The following LIMCH1 variants were observed in gnomAD, a reference collection of about 807,000 sequenced individuals.
The protein encoded by LIMCH1 is LIM and calponin homology domains-containing protein 1.
A neutral mutation model predicts 176.5 loss-of-function variants in LIMCH1; 113 were observed. That is an observed-to-expected ratio of 0.64 (90% CI 0.55 to 0.75). The LOEUF is 0.75. Ranked by LOEUF, LIMCH1 falls within the 30% of genes least tolerant of loss-of-function variation. The probability of loss-of-function intolerance (pLI) is 0.00; values close to 1 mark genes in which losing one functional copy is unlikely to be tolerated. For missense variants in LIMCH1, 1,674 were observed against 1,814.9 expected, an observed-to-expected ratio of 0.92 and a Z score of 1.41; for synonymous variants, 619 against 645.9, an observed-to-expected ratio of 0.96 and a Z score of 0.63.
Position 41,538,304 on chromosome 4 carries a change from A to G in LIMCH1, c.-287A>G, listed in dbSNP as rs2078179169. The G allele has an allele frequency of 1.0e-6, 1 of 985,422 alleles. No homozygotes were observed. Among genetic ancestry groups the G allele is most frequent in the Non-Finnish European group, 1.2e-6 (1 of 829,938 alleles). The allele number at this position is 985,422 out of a possible 1,614,324, so 61.0% of individuals were successfully genotyped here. Reference sequence around the variant, plus strand: ...AGGAGAGATGCCCCTCCCATCTCCCAGAGTGGGTTGGCTGGAGTTCATTGC... The same window carrying G: ...AGGAGAGATGCCCCTCCCATCTCCCGGAGTGGGTTGGCTGGAGTTCATTGC... On this transcript the variant is annotated 5_prime_UTR_variant, in exon 1 of 32. Coordinates refer to ENST00000503057, the MANE Select transcript of LIMCH1 (RefSeq NM_001330672.2).
intron 1 of LIMCH1, among the ~76,000 whole-genome samples, chr4:41,450,818 A>AG (rs2063792052): frequency 1.3e-5 from 2 of 150,986 alleles, no homozygotes; most frequent in Non-Finnish European, 3.0e-5. Flanking sequence ...AAAAAAAAAA[A>AG]AAAAAGTTGT....
At chr4:41,367,537 A>G (rs934984688) in intron 1 of LIMCH1, among the ~76,000 whole-genome samples, 6 of 152,034 alleles carry the variant, frequency 3.9e-5, no homozygotes, top group Non-Finnish European at 8.8e-5. Flanking sequence ...ATACACCTGC[A>G]CTTGCTTTTA....
In LIMCH1 at chr4:41,697,595, C is replaced by G. The variant is rs1042382164; in HGVS notation, c.*410C>G. ...TTACAGAATTGAGCTGCAGAAAGTGCAAGACATGCCAATTTGAGACACACG... is the reference window on the plus strand; with the variant it reads ...TTACAGAATTGAGCTGCAGAAAGTGGAAGACATGCCAATTTGAGACACACG... On this transcript the variant is annotated 3_prime_UTR_variant, in exon 32 of 32. Coordinates refer to ENST00000503057, the MANE Select transcript of LIMCH1 (RefSeq NM_001330672.2). 2 of 170,826 alleles carry G rather than the reference C, an allele frequency of 1.2e-5. No homozygotes were observed. Among genetic ancestry groups the G allele is most frequent in the African/African-American group, 4.7e-5 (2 of 42,162 alleles). 10.6% of individuals were successfully genotyped at this position (170,826 alleles called of 1,614,324 possible). A position where few individuals can be genotyped will look rare whatever the true frequency, so the allele number is the denominator to read the frequency against.
chr4:41,477,510 T>C (rs2067929043), intron 1 of LIMCH1, among the ~76,000 whole-genome samples: 1 of 152,174 alleles, frequency 6.6e-6, no homozygotes, highest in Non-Finnish European at 1.5e-5. Flanking sequence ...GCTGTTATTA[T>C]CATCATCATT....
chr4:41,682,369 CAA>C lies in LIMCH1; in HGVS notation c.3755_3756del (p.Gln1252ArgfsTer12). On this transcript the variant is annotated frameshift_variant, in exon 26 of 32. Transcript: ENST00000503057. LOFTEE classifies it high-confidence loss of function. ...CCTGGGAAACTGTCAAGATGAAAAA[CAA>C]GACAGAAGATGGAAGAAATCATTCC... ...IDLGNCQDEK[Q>X]DRRWKKSFQG... 2 of 1,612,402 alleles carry C rather than the reference CAA, an allele frequency of 1.2e-6. No individual in the cohort carries two copies. The highest frequency in any genetic ancestry group is 1.7e-6 in the Non-Finnish European group (2 of 1,178,752).
intron 1 of LIMCH1, among the ~76,000 whole-genome samples, chr4:41,574,710 A>G (rs1269455594): frequency 6.6e-6 from 1 of 152,154 alleles, no homozygotes; most frequent in Non-Finnish European, 1.5e-5. Context: ...TAAGACTTCA[A>G]ATGTGGCTCG....
chr4:41,633,902 C>A lies in LIMCH1; in HGVS notation c.2090+94C>A, dbSNP rs2093452181. 1.0e-5 allele frequency: 13 copies of A among 1,301,080 alleles called. No individual in the cohort carries two copies. In the South Asian group the frequency reaches 1.9e-4, roughly 19 times the overall value. The allele number at this position is 1,301,080 out of a possible 1,614,324, so 80.6% of individuals were successfully genotyped here. Reference sequence around the variant, plus strand: ...CATTATGGCACCTCAGTGCCGCTTACCTGCTGTTGCTAGCAGAAACAGAAT... The same window carrying A: ...CATTATGGCACCTCAGTGCCGCTTAACTGCTGTTGCTAGCAGAAACAGAAT... On this transcript the variant is annotated intron_variant, in intron 13 of 31. Coordinates refer to ENST00000503057, the MANE Select transcript of LIMCH1 (RefSeq NM_001330672.2).
chr4:41,636,469 T>G (rs981485330), intron 13 of LIMCH1, among the ~76,000 whole-genome samples: 2 of 151,946 alleles, frequency 1.3e-5, no homozygotes, highest in Non-Finnish European at 2.9e-5. Context: ...CTGCTTAAGT[T>G]GGTGCCCTTT....
intron 1 of LIMCH1, among the ~76,000 whole-genome samples, chr4:41,488,524 ATTGT>A (rs1490218519): frequency 6.6e-6 from 1 of 152,216 alleles, no homozygotes; most frequent in Non-Finnish European, 1.5e-5. Context: ...TAACAAAATA[ATTGT>A]TTGTAACATT....
chr4:41,689,021 T>C (rs528394319), intron 29 of LIMCH1: 1 of 153,692 alleles, frequency 6.5e-6, no homozygotes, highest in South Asian at 2.0e-4. Context: ...ATCTCACCTC[T>C]CCGGGCCCTC....
intron 2 of LIMCH1, chr4:41,524,401 C>A: frequency 6.2e-7 from 1 of 1,612,824 alleles, no homozygotes; most frequent in South Asian, 1.1e-5. Flanking sequence ...CTGCCTTTTT[C>A]ATGACAGGTT....
intron 1 of LIMCH1, among the ~76,000 whole-genome samples, chr4:41,584,638 A>G (rs923448139): frequency 2.0e-5 from 3 of 152,174 alleles, no homozygotes; most frequent in South Asian, 2.1e-4. Flanking sequence ...CTCCTGGGAC[A>G]TATCTCTAGG....
intron 1 of LIMCH1, among the ~76,000 whole-genome samples, chr4:41,469,697 T>TATTC (rs763786501): frequency 2.0e-5 from 3 of 152,056 alleles, no homozygotes; most frequent in African/African-American, 4.8e-5. Flanking sequence ...TTTATTTATT[T>TATTC]TTGAGATGGA....
intron 2 of LIMCH1, among the ~76,000 whole-genome samples, chr4:41,504,136 A>G (rs1033254903): frequency 6.6e-6 from 1 of 152,160 alleles, no homozygotes; most frequent in Non-Finnish European, 1.5e-5. Context: ...GTTTCTCCTC[A>G]CAACCATTTG....
intron 26 of LIMCH1, 143 bp downstream of exon 26, chr4:41,682,603 C>A: frequency 1.2e-5 from 8 of 660,992 alleles, no homozygotes; most frequent in Admixed American, 3.7e-5. Context: ...ATTGTTTGGA[C>A]ATATTTTGTA....
chr4:41,365,574 A>G (rs903172649), intron 1 of LIMCH1, among the ~76,000 whole-genome samples: 2 of 152,236 alleles, frequency 1.3e-5, no homozygotes, highest in Non-Finnish European at 2.9e-5. Context: ...TTTTATCCCA[A>G]CAGGTAGTTA....
chr4:41,450,080 C>T (rs1246212039), intron 1 of LIMCH1, among the ~76,000 whole-genome samples: 2 of 152,124 alleles, frequency 1.3e-5, no homozygotes, highest in Non-Finnish European at 2.9e-5. Flanking sequence ...CAGATAAGGT[C>T]ACATTCTGAA....
rs139878054 is a variant in LIMCH1, at chr4:41,557,446, G to A, written c.-241+19096G>A. On this transcript the variant is annotated intron_variant, in intron 1 of 31. Transcript: ENST00000503057. ...GATGGAAGAGATGATTTTTAAAAAG[G>A]TATCCAGGGAAGTTTAAACTGATGC... Among the ~76,000 whole-genome samples, 54 of 152,072 alleles carry A rather than the reference G, an allele frequency of 3.6e-4. No individual in the cohort carries two copies. In the East Asian group the frequency reaches 8.1e-3, roughly 23 times the overall value.
intron 9 of LIMCH1, 55 bp from the exon 10 acceptor site, chr4:41,631,093 C>A (rs112115335): frequency 0.062 from 75,136 of 1,209,924 alleles, 3,833 homozygotes; most frequent in African/African-American, 0.26. Context: ...TTTTTAAAAA[C>A]CTCTTATTGA....
Sources: gnomAD v4.1 joint callset for allele counts (sites outside exome capture counted in the v4.1 genomes callset) on GRCh38, gnomAD v4.1.1 for gene constraint, MANE v1.5 for transcripts, NCBI Gene and HGNC (gene_info 2026-07-23, HGNC 2026-07-21) for gene names.